Variants in RCOR1 observed in about 807,000 individuals in gnomAD.
RCOR1 encodes the protein REST corepressor.
Under a neutral mutation model 64.0 loss-of-function variants are expected in RCOR1, and 12 were observed. The observed-to-expected ratio is 0.19, with a 90% CI of 0.12 to 0.30. RCOR1 has a LOEUF of 0.30. Among genes scored for constraint, RCOR1 ranks in the 10% least tolerant of loss-of-function variants. The pLI, the probability that RCOR1 is intolerant of heterozygous loss-of-function variation, is 1.00. For missense variants in RCOR1, 502 were observed against 621.2 expected, an observed-to-expected ratio of 0.81 and a Z score of 2.04; for synonymous variants, 279 against 227.2, an observed-to-expected ratio of 1.23 and a Z score of -2.05.
chr14:102,637,229 C>G (rs940247259), intron 2 of RCOR1, among the ~76,000 whole-genome samples: 2 of 150,954 alleles, frequency 1.3e-5, no homozygotes, highest in South Asian at 4.2e-4. Context: ...TGTGTTCAAG[C>G]GATTCTCCTG....
intron 2 of RCOR1, among the ~76,000 whole-genome samples, chr14:102,667,013 C>T (rs1405752572): frequency 6.6e-6 from 1 of 152,104 alleles, no homozygotes; most frequent in Non-Finnish European, 1.5e-5. Context: ...TCAGGAAGGA[C>T]TTTTAACGTG....
intron 2 of RCOR1, among the ~76,000 whole-genome samples, chr14:102,600,812 T>C (rs1397815361): frequency 1.0e-4 from 15 of 150,382 alleles, no homozygotes; most frequent in African/African-American, 2.9e-4. Flanking sequence ...CCTCGTGATC[T>C]GCCCGTCTTG....
intron 2 of RCOR1, among the ~76,000 whole-genome samples, chr14:102,600,971 C>G (rs1480926317): frequency 6.6e-6 from 1 of 151,522 alleles, no homozygotes; most frequent in African/African-American, 2.4e-5. Context: ...AGGCGGATCA[C>G]TTGAGGTCGG....
At chr14:102,648,761 G>A (rs1258234691) in intron 2 of RCOR1, among the ~76,000 whole-genome samples, 1 of 152,152 alleles carries the variant, frequency 6.6e-6, no homozygotes, top group Non-Finnish European at 1.5e-5. Context: ...CTCTGACAGT[G>A]AGAATCTTGG....
Position 102,678,745 on chromosome 14 carries a change from C to T in RCOR1, c.362-3150C>T, listed in dbSNP as rs1895242716. On this transcript the variant is annotated intron_variant, in intron 2 of 11. Transcript: ENST00000262241. Reference sequence around the variant, plus strand: ...TGGCTTTATAATTTTGCATTTACACCAGCAGTGTATGAGAATTTCAGTTGT... The same window carrying T: ...TGGCTTTATAATTTTGCATTTACACTAGCAGTGTATGAGAATTTCAGTTGT... Among the ~76,000 whole-genome samples, 2 of 152,126 alleles carry T rather than the reference C, an allele frequency of 1.3e-5. 1 individual carries two copies. Among genetic ancestry groups the T allele is most frequent in the Admixed American group, 1.3e-4 (2 of 15,264 alleles).
At chr14:102,707,285 C>G in intron 4 of RCOR1, 66 bp from the exon 5 acceptor site, 119 of 1,222,432 alleles carry the variant, frequency 9.7e-5, no homozygotes, top group East Asian at 1.9e-4. Flanking sequence ...TTTTCTTTTG[C>G]TGGTCTCATT....
At chr14:102,697,723 ATT>A (rs1347240556) in intron 3 of RCOR1, among the ~76,000 whole-genome samples, 15 of 140,818 alleles carry the variant, frequency 1.1e-4, no homozygotes, top group Admixed American at 1.4e-4. Flanking sequence ...TCTTCCAAGA[ATT>A]TTTTTTTTTT....
In RCOR1 at chr14:102,661,817, C is replaced by A. The variant is rs575411666; in HGVS notation, c.362-20078C>A. Among the ~76,000 whole-genome samples the A allele has an allele frequency of 2.0e-5, 3 of 152,308 alleles. No homozygotes were observed. In the South Asian group the frequency reaches 6.2e-4, roughly 32 times the overall value. The stretch of plus-strand genomic sequence containing the variant: ...TGTTGCCCAGGCTCTATTGCAATGG[C>A]ACGATCATGGCTCACTGCAGCCTTG... On this transcript the variant is annotated intron_variant, in intron 2 of 11. Transcript: ENST00000262241.
At chr14:102,648,114 T>C (rs1005084622) in intron 2 of RCOR1, among the ~76,000 whole-genome samples, 1 of 152,148 alleles carries the variant, frequency 6.6e-6, no homozygotes, top group Admixed American at 6.6e-5. Context: ...AGTCCTGTTC[T>C]GTCACCCAAG....
In RCOR1 at chr14:102,623,458, G is replaced by C. The variant is rs372315053; in HGVS notation, c.361+30133G>C. Among the ~76,000 whole-genome samples the C allele has an allele frequency of 2.6e-5, 4 of 151,090 alleles. No individual in the cohort carries two copies. The East Asian group carries it at 5.9e-4, about 22-fold the overall frequency. On this transcript the variant is annotated intron_variant, in intron 2 of 11. Coordinates refer to ENST00000262241, the MANE Select transcript of RCOR1 (RefSeq NM_015156.4). ...GAGTCTCGCTCTGTCGCCCAGGCTG[G>C]AGTGCAATGGCGCGATCTTGGCTCA...
At chr14:102,695,711 ATTT>A (rs765805364) in intron 3 of RCOR1, among the ~76,000 whole-genome samples, 4 of 123,132 alleles carry the variant, frequency 3.2e-5, no homozygotes, top group Non-Finnish European at 3.5e-5. Flanking sequence ...ATGCCCTGCT[ATTT>A]TTTTTTTTTT....
chr14:102,667,554 A>G lies in RCOR1; in HGVS notation c.362-14341A>G, dbSNP rs147536389. On this transcript the variant is annotated intron_variant, in intron 2 of 11. Transcript: ENST00000262241. ...AAAAATAATGAATTGTGCTTCAGAA[A>G]GATTGCTCTAGCTAGTGGAGAAACT... Among the ~76,000 whole-genome samples the G allele has an allele frequency of 3.5e-4, 53 of 152,286 alleles. No homozygotes were observed. The East Asian group carries it at 9.1e-3, about 26-fold the overall frequency.
chr14:102,607,373 T>C (rs1469209166), intron 2 of RCOR1, among the ~76,000 whole-genome samples: 5 of 152,204 alleles, frequency 3.3e-5, no homozygotes, highest in African/African-American at 1.2e-4. Flanking sequence ...ATAATGAATT[T>C]GTATAAATTG....
chr14:102,627,670 AACACAC>A (rs560181667), intron 2 of RCOR1, among the ~76,000 whole-genome samples: 1 of 151,068 alleles, frequency 6.6e-6, no homozygotes, highest in Non-Finnish European at 1.5e-5. Context: ...AAAAAAAAAA[AACACAC>A]ACACACACCA....
chr14:102,675,449 C>T (rs1284107618), intron 2 of RCOR1, among the ~76,000 whole-genome samples: 3 of 152,146 alleles, frequency 2.0e-5, no homozygotes, highest in Non-Finnish European at 4.4e-5. Context: ...ATGCCAACAT[C>T]GCCAATACTT....
chr14:102,676,877 T>C (rs865873237), intron 2 of RCOR1, among the ~76,000 whole-genome samples: 76 of 66,480 alleles, frequency 1.1e-3, no homozygotes, highest in Middle Eastern at 0.011. Context: ...ACCTCCCTCC[T>C]GGACGGGGCG....
chr14:102,596,650 C>T (rs1342388590), intron 2 of RCOR1, among the ~76,000 whole-genome samples: 3 of 151,842 alleles, frequency 2.0e-5, no homozygotes, highest in African/African-American at 7.3e-5. Context: ...CTGCAACCTC[C>T]ACCTCCGAGG....
intron 8 of RCOR1, among the ~76,000 whole-genome samples, chr14:102,719,152 G>A (rs934400682): frequency 6.6e-6 from 1 of 151,814 alleles, no homozygotes; most frequent in African/African-American, 2.4e-5. Context: ...GTGCGATCTC[G>A]GCTCACTGCA....
Position 102,593,177 on chromosome 14 carries a change from C to T in RCOR1, c.291C>T (p.Asp97=). The change falls in exon 1 of 12, where the codon GAC becomes GAT. Residue 97 remains aspartate (D), a synonymous_variant. Transcript: ENST00000262241. ...WEEGSSGSSS[D]EEHGGGGMRV... ...AAGGCAGCTCGGGCTCGTCCAGCGACGAGGAGCACGGTAGGTGGCAGCCGC... is the reference window on the plus strand; with the variant it reads ...AAGGCAGCTCGGGCTCGTCCAGCGATGAGGAGCACGGTAGGTGGCAGCCGC... 3 of 1,514,602 alleles carry T rather than the reference C, an allele frequency of 2.0e-6. No individual in the cohort carries two copies. Among genetic ancestry groups the T allele is most frequent in the Non-Finnish European group, 2.6e-6 (3 of 1,137,204 alleles). 93.8% of individuals were successfully genotyped at this position (1,514,602 alleles called of 1,614,324 possible). A position where few individuals can be genotyped will look rare whatever the true frequency, so the allele number is the denominator to read the frequency against.
Sources: allele counts gnomAD v4.1 joint callset (sites outside exome capture counted in the v4.1 genomes callset), GRCh38; gene constraint gnomAD v4.1.1; transcripts MANE v1.5; gene names NCBI Gene and HGNC (gene_info 2026-07-23, HGNC 2026-07-21).